The following AP3M2 variants were observed in gnomAD, a reference collection of about 807,000 sequenced individuals.
The protein encoded by AP3M2 is AP-3 complex subunit mu-2.
Under a neutral mutation model 41.6 loss-of-function variants are expected in AP3M2, and 28 were observed. The observed-to-expected ratio is 0.67, with a 90% CI of 0.50 to 0.92. AP3M2 has a LOEUF of 0.92. Among genes scored for constraint, AP3M2 ranks in the 40% least tolerant of loss-of-function variants. The pLI, the probability that AP3M2 is intolerant of heterozygous loss-of-function variation, is 0.00. For missense variants in AP3M2, 427 were observed against 521.4 expected (o/e 0.82, Z 1.76); for synonymous variants, 193 against 186.4 (o/e 1.04, Z -0.29).
chr8:42,157,474 C>T (rs1804384270), intron 2 of AP3M2, among the ~76,000 whole-genome samples: 1 of 152,190 alleles, frequency 6.6e-6, no homozygotes, highest in African/African-American at 2.4e-5. Context: ...TTCAGGTGTG[C>T]TAGCTTGTCC....
intron 8 of AP3M2, 50 bp downstream of exon 8, chr8:42,167,860 C>G: frequency 6.4e-7 from 1 of 1,568,872 alleles, no homozygotes; most frequent in Non-Finnish European, 8.6e-7. Flanking sequence ...AAACGGCTTT[C>G]TGCCATATGG....
Position 42,153,089 on chromosome 8 carries a change from G to A in AP3M2, c.-89G>A, listed in dbSNP as rs1029181269. On this transcript the variant is annotated 5_prime_UTR_variant, in exon 1 of 9. Transcript: ENST00000396926. Reference sequence around the variant, plus strand: ...TCCGCGCCTAGGAGCAGTGGGCGCTGAGAGCAGCAAGGCCAGGTGAGGAGT... The same window carrying A: ...TCCGCGCCTAGGAGCAGTGGGCGCTAAGAGCAGCAAGGCCAGGTGAGGAGT... 2.0e-5 allele frequency: 3 copies of A among 152,048 alleles called. No individual in the cohort carries two copies. Among genetic ancestry groups the A allele is most frequent in the Non-Finnish European group, 2.9e-5 (2 of 68,050 alleles). 9.4% of individuals were successfully genotyped at this position (152,048 alleles called of 1,614,324 possible).
In AP3M2 at chr8:42,157,972, TC is replaced by T; in HGVS notation, c.306del (p.Asp104ThrfsTer3). The T allele has an allele frequency of 6.2e-7, 1 of 1,614,160 alleles. No homozygotes were observed. Among genetic ancestry groups the T allele is most frequent in the African/African-American group, 1.3e-5 (1 of 75,050 alleles). On this transcript the variant is annotated frameshift_variant, in exon 3 of 9. Coordinates refer to ENST00000396926, the MANE Select transcript of AP3M2 (RefSeq NM_006803.4). LOFTEE classifies it high-confidence loss of function. The part of the protein sequence containing the change: ...DYFGVCSEPV[I>X]KDNVVVVYEV... The stretch of plus-strand genomic sequence containing the variant: ...TTTGGAGTCTGTTCAGAGCCAGTGA[TC>T]AAAGACAATGTAGTTGTGGTTTATG...
At chr8:42,163,995 TAG>T (rs2150959678) in intron 4 of AP3M2, among the ~76,000 whole-genome samples, 1 of 152,296 alleles carries the variant, frequency 6.6e-6, no homozygotes, top group African/African-American at 2.4e-5. Context: ...ACTTGTAGTT[TAG>T]AGCGATGAGT....
At position 42,154,802 on chromosome 8, in the gene AP3M2, G is replaced by C; in HGVS notation, c.115G>C (p.Ala39Pro). The C allele has an allele frequency of 6.2e-7, 1 of 1,614,142 alleles. No homozygotes were observed. Among genetic ancestry groups the C allele is most frequent in the Non-Finnish European group, 8.5e-7 (1 of 1,180,034 alleles). The change falls in exon 2 of 9, where the codon GCT (alanine) becomes CCT (proline). Residue 39 changes from alanine (A) to proline (P), a missense_variant. Coordinates refer to ENST00000396926, the MANE Select transcript of AP3M2 (RefSeq NM_006803.4). ...TTACTTTTTTGAGGCGCAAGAGAGA[G>C]CTACTGAGGCAGAAAATGTGCCTCC... ...CDYFFEAQER[A>P]TEAENVPPVI...
chr8:42,162,541 G>C, intron 4 of AP3M2, 123 bp downstream of exon 4: 1 of 1,151,210 alleles, frequency 8.7e-7, no homozygotes, highest in Non-Finnish European at 1.2e-6. Flanking sequence ...TGCCTACTTT[G>C]TGCCAGGCAC....
chr8:42,153,817 A>G (rs1050430357), intron 1 of AP3M2: 2 of 152,104 alleles, frequency 1.3e-5, no homozygotes, highest in Non-Finnish European at 2.9e-5. Flanking sequence ...GTCTTACTGC[A>G]TTAACAAGTG....
intron 2 of AP3M2, among the ~76,000 whole-genome samples, chr8:42,156,817 T>C (rs998815094): frequency 6.6e-6 from 1 of 152,140 alleles, no homozygotes; most frequent in African/African-American, 2.4e-5. Flanking sequence ...AACCATACCT[T>C]ATCATGAACA....
intron 2 of AP3M2, chr8:42,155,974 TGTA>T: frequency 2.2e-6 from 1 of 456,252 alleles, no homozygotes; most frequent in South Asian, 1.5e-5. Context: ...TGCAATACTC[TGTA>T]GTACTACTGT....
At position 42,154,834 on chromosome 8, in the gene AP3M2, C is replaced by A; in HGVS notation, c.147C>A (p.Ile49=). 2 of 1,614,128 alleles carry A rather than the reference C, an allele frequency of 1.2e-6. No individual in the cohort carries two copies. Among genetic ancestry groups the A allele is most frequent in the Non-Finnish European group, 1.7e-6 (2 of 1,180,032 alleles). ...ATEAENVPPV[I]PTPHHYLLSV... is the part of the protein sequence containing the mutation. ...AGGCAGAAAATGTGCCTCCGGTTAT[C>A]CCTACCCCTCACCACTATCTCTTAA... is the stretch of plus-strand genomic sequence containing the variant. The change falls in exon 2 of 9, where the codon ATC becomes ATA. Residue 49 remains isoleucine, a synonymous_variant. Transcript: ENST00000396926.
intron 4 of AP3M2, among the ~76,000 whole-genome samples, chr8:42,164,377 T>C (rs1804584163): frequency 1.3e-5 from 2 of 152,092 alleles, no homozygotes; most frequent in South Asian, 4.1e-4. Flanking sequence ...GGGGCTGAAC[T>C]TGAAAAAAGA....
intron 3 of AP3M2, 115 bp downstream of exon 3, chr8:42,158,227 C>A: frequency 8.9e-6 from 9 of 1,006,050 alleles, no homozygotes; most frequent in South Asian, 1.9e-5. Context: ...TGTCCCAGTG[C>A]TTTAATTTTG....
At chr8:42,157,795 G>A in intron 2 of AP3M2, 146 bp from the exon 3 acceptor site, 1 of 679,596 alleles carries the variant, frequency 1.5e-6, no homozygotes. Context: ...AGAGAACTAT[G>A]GTTATGCTGC....
intron 2 of AP3M2, among the ~76,000 whole-genome samples, chr8:42,155,313 C>T (rs1804326974): frequency 6.6e-6 from 1 of 152,158 alleles, no homozygotes; most frequent in South Asian, 2.1e-4. Flanking sequence ...CTTTGAGTTG[C>T]ATCAGAAAGT....
intron 3 of AP3M2, 142 bp downstream of exon 3, chr8:42,158,254 T>C: frequency 1.2e-6 from 1 of 823,336 alleles, no homozygotes; most frequent in Non-Finnish European, 1.8e-6. Flanking sequence ...GTAGTTGTTT[T>C]TTTTTTTTTT....
At chr8:42,164,758 C>T (rs1204743437) in intron 4 of AP3M2, among the ~76,000 whole-genome samples, 1 of 152,218 alleles carries the variant, frequency 6.6e-6, no homozygotes, top group Non-Finnish European at 1.5e-5. Flanking sequence ...TAATGATGCT[C>T]TGTTTAATTC....
At chr8:42,162,943 C>CAAAAAAAAAAA (rs67923954) in intron 4 of AP3M2, among the ~76,000 whole-genome samples, 6 of 54,216 alleles carry the variant, frequency 1.1e-4, no homozygotes, top group East Asian at 4.2e-4. Flanking sequence ...GACCCTGTCT[C>CAAAAAAAAAAA]AAAAAAAAAA....
At chr8:42,160,484 A>G (rs888188645) in intron 3 of AP3M2, among the ~76,000 whole-genome samples, 1 of 152,218 alleles carries the variant, frequency 6.6e-6, no homozygotes, top group African/African-American at 2.4e-5. Flanking sequence ...ACTTCACACT[A>G]TACACAAAAT....
chr8:42,167,492 C>G (rs1241707407), intron 7 of AP3M2, 121 bp downstream of exon 7: 1 of 1,382,350 alleles, frequency 7.2e-7, no homozygotes, highest in Non-Finnish European at 9.9e-7. Flanking sequence ...CTTGTTTTCT[C>G]CTGCCAGGTA....
Sources: gnomAD v4.1 joint callset for allele counts (sites outside exome capture counted in the v4.1 genomes callset) on GRCh38, gnomAD v4.1.1 for gene constraint, MANE v1.5 for transcripts, NCBI Gene and HGNC (gene_info 2026-07-23, HGNC 2026-07-21) for gene names.